Variants in GRID2 observed in about 807,000 individuals in gnomAD.
GRID2 encodes the protein glutamate ionotropic receptor delta type subunit 2.
GRID2 carries 33 observed loss-of-function variants against 114.8 expected under a neutral mutation model. The observed-to-expected ratio is 0.29, with a 90% CI of 0.22 to 0.38. The LOEUF (loss-of-function observed/expected upper bound fraction) is 0.38. GRID2 is among the 10% of genes least tolerant of loss of function. GRID2 has a pLI of 1.00. For synonymous variants in GRID2, 505 were observed against 449.9 expected, an observed-to-expected ratio of 1.12 and a Z score of -1.55; for missense variants, 1,184 against 1,257.7, an observed-to-expected ratio of 0.94 and a Z score of 0.89.
At chr4:93,646,150 A>G (rs1052529451) in intron 14 of GRID2, among the ~76,000 whole-genome samples, 1 of 152,224 alleles carries the variant, frequency 6.6e-6, no homozygotes, top group Admixed American at 6.5e-5. Flanking sequence ...AGCAAGTCAG[A>G]GGAAGACACA....
In GRID2 at chr4:93,556,246, G is replaced by T. The variant is rs184009889; in HGVS notation, c.2193+40835G>T. 1.0e-3 allele frequency among the ~76,000 whole-genome samples: 152 copies of T among 152,262 alleles called. 1 individual carries two copies. Among genetic ancestry groups the T allele is most frequent in the African/African-American group, 3.7e-3 (152 of 41,546 alleles). On this transcript the variant is annotated intron_variant, in intron 13 of 15. Coordinates refer to ENST00000282020, the MANE Select transcript of GRID2 (RefSeq NM_001510.4). ...CCTCGCCAGCAAGGGAACAAAACTA[G>T]ATGGAGAATGAGTCTGACAAATTGA...
At chr4:93,428,827 G>A (rs753247311) in intron 10 of GRID2, among the ~76,000 whole-genome samples, 2 of 152,066 alleles carry the variant, frequency 1.3e-5, no homozygotes, top group Non-Finnish European at 2.9e-5. Context: ...CAGTGCCGAC[G>A]CCCACTCAGG....
At chr4:92,513,230 CATT>C (rs1384895438) in intron 1 of GRID2, among the ~76,000 whole-genome samples, 2 of 151,822 alleles carry the variant, frequency 1.3e-5, no homozygotes, top group Non-Finnish European at 1.5e-5. Flanking sequence ...GACATTACAA[CATT>C]ATTATTCAAT....
intron 2 of GRID2, among the ~76,000 whole-genome samples, chr4:92,810,958 C>T (rs905234825): frequency 6.6e-6 from 1 of 151,832 alleles, no homozygotes; most frequent in African/African-American, 2.4e-5. Context: ...AATTTTTGTA[C>T]TTTTAGTAGA....
intron 8 of GRID2, among the ~76,000 whole-genome samples, chr4:93,306,567 A>G (rs1755446586): frequency 1.3e-5 from 2 of 152,324 alleles, no homozygotes; most frequent in Middle Eastern, 3.4e-3. Context: ...GGGTATTGAG[A>G]TGAAAGAAAG....
At chr4:92,851,928 C>A (rs1316683079) in intron 2 of GRID2, among the ~76,000 whole-genome samples, 2 of 151,830 alleles carry the variant, frequency 1.3e-5, no homozygotes, top group Admixed American at 1.3e-4. Context: ...CTGAGACCAC[C>A]TAAAAAATTG....
chr4:93,557,874 T>C (rs1470553070), intron 13 of GRID2, among the ~76,000 whole-genome samples: 1 of 152,122 alleles, frequency 6.6e-6, no homozygotes, highest in Non-Finnish European at 1.5e-5. Context: ...AGAATGGAAA[T>C]CATAACAAAC....
intron 2 of GRID2, among the ~76,000 whole-genome samples, chr4:92,638,172 ATTAT>A (rs1157469877): frequency 6.6e-6 from 1 of 151,646 alleles, no homozygotes. Flanking sequence ...GAATAGGGGG[ATTAT>A]TTATTTAAAA....
chr4:92,635,017 C>A (rs1303177528), intron 2 of GRID2, among the ~76,000 whole-genome samples: 1 of 151,952 alleles, frequency 6.6e-6, no homozygotes. Flanking sequence ...GTCACTGTGC[C>A]AAAAGCTGCC....
At chr4:92,739,577 C>T (rs915890421) in intron 2 of GRID2, among the ~76,000 whole-genome samples, 1 of 152,036 alleles carries the variant, frequency 6.6e-6, no homozygotes, top group Non-Finnish European at 1.5e-5. Context: ...CCTGTGATTT[C>T]AGTGAAGTGT....
At chr4:93,022,139 T>A (rs1356313739) in intron 2 of GRID2, among the ~76,000 whole-genome samples, 1 of 151,888 alleles carries the variant, frequency 6.6e-6, no homozygotes, top group Non-Finnish European at 1.5e-5. Context: ...CATAAATACA[T>A]GTTTGTGTAT....
At chr4:92,873,894 A>G (rs984178679) in intron 2 of GRID2, among the ~76,000 whole-genome samples, 1 of 152,112 alleles carries the variant, frequency 6.6e-6, no homozygotes, top group African/African-American at 2.4e-5. Context: ...TTGTATTTGT[A>G]GTAGAGACGG....
At chr4:92,593,899 G>T (rs1317580013) in intron 2 of GRID2, among the ~76,000 whole-genome samples, 1 of 147,116 alleles carries the variant, frequency 6.8e-6, no homozygotes, top group Non-Finnish European at 1.5e-5. Flanking sequence ...CTAGGATGTA[G>T]TGTTCTCCGT....
intron 2 of GRID2, among the ~76,000 whole-genome samples, chr4:92,634,071 G>A (rs987585176): frequency 6.7e-6 from 1 of 150,006 alleles, no homozygotes. Flanking sequence ...AATTGTCTTG[G>A]GCCACATATA....
intron 1 of GRID2, among the ~76,000 whole-genome samples, chr4:93,791,149 T>A (rs889032755): frequency 6.6e-6 from 1 of 152,186 alleles, no homozygotes; most frequent in African/African-American, 2.4e-5. Flanking sequence ...AAAACATATG[T>A]GTTAGTCACC....
Position 92,642,169 on chromosome 4 carries a change from G to A in GRID2, c.244+51883G>A, listed in dbSNP as rs76005503. Among the ~76,000 whole-genome samples, 109 of 151,702 alleles carry A rather than the reference G, an allele frequency of 7.2e-4. 1 individual carries two copies. The East Asian group carries it at 0.019, about 26-fold the overall frequency. On this transcript the variant is annotated intron_variant, in intron 2 of 15. Coordinates refer to ENST00000282020, the MANE Select transcript of GRID2 (RefSeq NM_001510.4). ...CCTTTGAGTATGTGCCTAGTAATGG[G>A]AATGCTAGGTAGAATGGTGGCTCTA... is the stretch of plus-strand genomic sequence containing the variant.
intron 2 of GRID2, among the ~76,000 whole-genome samples, chr4:93,043,190 T>A (rs528126097): frequency 0.018 from 2,807 of 152,252 alleles, 36 homozygotes; most frequent in Non-Finnish European, 0.024. Context: ...GATTTAGCAA[T>A]TAAGTGTTTG....
intron 13 of GRID2, among the ~76,000 whole-genome samples, chr4:93,607,662 G>C (rs770978171): frequency 8.5e-5 from 13 of 152,124 alleles, no homozygotes; most frequent in Non-Finnish European, 1.9e-4. Flanking sequence ...CAATATGTGA[G>C]AGTACACTTC....
At chr4:92,905,562 T>C (rs1747883701) in intron 2 of GRID2, among the ~76,000 whole-genome samples, 1 of 152,116 alleles carries the variant, frequency 6.6e-6, no homozygotes, top group African/African-American at 2.4e-5. Context: ...AGGAGTATGC[T>C]GTCCAATATG....
Sources: allele counts gnomAD v4.1 joint callset (sites outside exome capture counted in the v4.1 genomes callset), GRCh38; gene constraint gnomAD v4.1.1; transcripts MANE v1.5; gene names NCBI Gene and HGNC (gene_info 2026-07-23, HGNC 2026-07-21).